Variants in SYTL5 observed in about 807,000 individuals in gnomAD.
SYTL5 encodes the protein synaptotagmin-like protein 5.
In SYTL5, 34 loss-of-function variants were observed where a neutral mutation model predicts 55.9. The ratio of observed to expected loss-of-function variants is 0.61; its 90% CI spans 0.46 to 0.81. SYTL5 has a LOEUF of 0.81. Ranked by LOEUF, SYTL5 falls within the 30% of genes least tolerant of loss-of-function variation. The pLI is 0.00. For missense variants in SYTL5, 637 were observed against 546.7 expected (o/e 1.17, Z -1.65); for synonymous variants, 221 against 188.7 (o/e 1.17, Z -1.40).
At chrX:38,070,481 C>A (rs186423627) in intron 3 of SYTL5, among the ~76,000 whole-genome samples, 15 of 110,968 alleles carry the variant, frequency 1.4e-4, no homozygotes, top group Non-Finnish European at 1.9e-4. Context: ...CATTTTCTAT[C>A]CTCTTTATTG....
At chrX:37,948,424 A>G in the SYTL5 span, among the ~76,000 whole-genome samples, 1 of 110,225 alleles carries the variant, frequency 9.1e-6, no homozygotes, top group Non-Finnish European at 1.9e-5. Flanking sequence ...GTTATTATAA[A>G]ATTATATATT....
At position 38,076,567 on chromosome X, in the gene SYTL5, A is replaced by T; in HGVS notation, c.555A>T (p.Gly185=). The change falls in exon 6 of 17, where the codon GGA becomes GGT. Residue 185 remains glycine (G), a splice_region_variant and synonymous_variant. Transcript: ENST00000297875. The part of the protein sequence containing the change: ...KASHDGPKRK[G]FLLSKFRSAT... ...TTTAAATACATATATATAATTTCAG[A>T]TTTCTTCTTAGCAAGTTCAGATCGG... The T allele has an allele frequency of 8.5e-7, 1 of 1,179,002 alleles. No individual in the cohort carries two copies. The highest frequency in any genetic ancestry group is 1.1e-6 in the Non-Finnish European group (1 of 874,324).
chrX:37,939,261 A>T, the SYTL5 span, among the ~76,000 whole-genome samples: 1 of 109,023 alleles, frequency 9.2e-6, no homozygotes, highest in African/African-American at 3.3e-5. Context: ...CTCCTTCTAA[A>T]AAAAAAAGAA....
chrX:38,030,362 A>G (rs968508490), intron 1 of SYTL5, among the ~76,000 whole-genome samples: 6 of 112,149 alleles, frequency 5.4e-5, no homozygotes, highest in African/African-American at 1.9e-4. Context: ...GAGTTTCATG[A>G]GGAAAACAAG....
chrX:38,020,205 T>TA (rs1934503589), intron 1 of SYTL5, among the ~76,000 whole-genome samples: 1 of 109,783 alleles, frequency 9.1e-6, no homozygotes, highest in Non-Finnish European at 1.9e-5. Context: ...GCAGAGGTAA[T>TA]ATGGCTATAA....
At chrX:38,057,162 G>A (rs183289971) in intron 3 of SYTL5, among the ~76,000 whole-genome samples, 1 of 111,627 alleles carries the variant, frequency 9.0e-6, no homozygotes, top group East Asian at 2.8e-4. Context: ...ATTTTTGTAT[G>A]TGGTGAGAGA....
rs753748255 is a variant in SYTL5, at chrX:38,120,339, C to T, written c.1597-19C>T. 2.6e-6 allele frequency: 3 copies of T among 1,139,370 alleles called. No homozygotes were observed. Among genetic ancestry groups the T allele is most frequent in the East Asian group, 3.0e-5 (1 of 33,517 alleles). 93.9% of individuals were successfully genotyped at this position (1,139,370 alleles called of 1,213,427 possible). Reference sequence around the variant, plus strand: ...CAATCATCCATACTCTTTCAACTTACTTGTTTCTCCTTGGCCAGGTGGAGT... The same window carrying T: ...CAATCATCCATACTCTTTCAACTTATTTGTTTCTCCTTGGCCAGGTGGAGT... On this transcript the variant is annotated intron_variant, in intron 13 of 16. Transcript: ENST00000297875.
the SYTL5 span, among the ~76,000 whole-genome samples, chrX:37,972,684 G>T: frequency 1.8e-5 from 2 of 111,836 alleles, no homozygotes; most frequent in Non-Finnish European, 3.8e-5. Flanking sequence ...TGTGCCCCAG[G>T]TCTTTGGGGT....
intron 9 of SYTL5, among the ~76,000 whole-genome samples, chrX:38,098,995 A>G (rs777675661): frequency 9.0e-6 from 1 of 110,920 alleles, no homozygotes; most frequent in East Asian, 2.8e-4. Context: ...GTTGCCAGGG[A>G]GTGAAGAAGT....
chrX:37,943,877 A>C, the SYTL5 span, among the ~76,000 whole-genome samples: 686 of 111,357 alleles, frequency 6.2e-3, 9 homozygotes, highest in African/African-American at 0.021. Context: ...CAAAACAAAC[A>C]AAAATTCACC....
At chrX:38,023,411 C>T (rs141370893) in intron 1 of SYTL5, among the ~76,000 whole-genome samples, 1,403 of 111,478 alleles carry the variant, frequency 0.013, 7 homozygotes, top group Non-Finnish European at 0.016. Flanking sequence ...GGAAATAAGT[C>T]CCTTTTCATC....
At chrX:38,034,377 A>G (rs956553003) in intron 2 of SYTL5, among the ~76,000 whole-genome samples, 1 of 112,321 alleles carries the variant, frequency 8.9e-6, no homozygotes, top group Admixed American at 9.4e-5. Flanking sequence ...TAAAACAAAG[A>G]TAATAACAGT....
At chrX:38,119,780 C>G (rs1937549240) in intron 13 of SYTL5, among the ~76,000 whole-genome samples, 1 of 112,462 alleles carries the variant, frequency 8.9e-6, no homozygotes, top group African/African-American at 3.2e-5. Flanking sequence ...AGTGACTCCA[C>G]CATTCTACAT....
chrX:38,081,382 T>G (rs1936527216), intron 6 of SYTL5, among the ~76,000 whole-genome samples: 1 of 111,452 alleles, frequency 9.0e-6, no homozygotes, highest in Non-Finnish European at 1.9e-5. Flanking sequence ...TTTGTTATGC[T>G]GTGACCTTAT....
the SYTL5 span, among the ~76,000 whole-genome samples, chrX:37,956,715 A>T: frequency 8.9e-6 from 1 of 112,125 alleles, no homozygotes; most frequent in Admixed American, 9.5e-5. Flanking sequence ...TTGTTTACAT[A>T]TCATGGCTAT....
chrX:38,020,436 T>C (rs1602309165), intron 1 of SYTL5, among the ~76,000 whole-genome samples: 1 of 97,329 alleles, frequency 1.0e-5, no homozygotes, highest in South Asian at 4.8e-4. Context: ...TATATATATA[T>C]ATATATATAT....
the SYTL5 span, among the ~76,000 whole-genome samples, chrX:37,904,968 G>A: frequency 9.0e-6 from 1 of 110,874 alleles, no homozygotes; most frequent in African/African-American, 3.3e-5. Context: ...AGGACTGAGG[G>A]CTCATCACCC....
At chrX:37,903,995 G>A in the SYTL5 span, among the ~76,000 whole-genome samples, 1 of 111,209 alleles carries the variant, frequency 9.0e-6, no homozygotes, top group East Asian at 2.8e-4. Context: ...CTTGATGGTA[G>A]TCACATTACC....
At chrX:37,898,295 G>T in the SYTL5 span, among the ~76,000 whole-genome samples, 2 of 111,296 alleles carry the variant, frequency 1.8e-5, no homozygotes, top group African/African-American at 6.6e-5. Context: ...TATCACATGG[G>T]GTATTAGGTT....
Sources: gnomAD v4.1 joint callset for allele counts (sites outside exome capture counted in the v4.1 genomes callset) on GRCh38, gnomAD v4.1.1 for gene constraint, MANE v1.5 for transcripts, NCBI Gene and HGNC (gene_info 2026-07-23, HGNC 2026-07-21) for gene names.